Variants in AUTS2 observed in about 807,000 individuals in gnomAD.
AUTS2 encodes the protein activator of transcription and developmental regulator AUTS2, also known as autism susceptibility gene 2 protein.
AUTS2 carries 17 observed loss-of-function variants against 112.4 expected under a neutral mutation model. That is an observed-to-expected ratio of 0.15 (90% CI 0.10 to 0.23). The LOEUF (loss-of-function observed/expected upper bound fraction) is 0.23. Among genes scored for constraint, AUTS2 ranks in the 10% least tolerant of loss-of-function variants. The pLI is 1.00. For synonymous variants in AUTS2, 751 were observed against 702.7 expected, an observed-to-expected ratio of 1.07 and a Z score of -1.09; for missense variants, 1,510 against 1,701.6, an observed-to-expected ratio of 0.89 and a Z score of 1.98.
chr7:70,261,534 C>T (rs1468205290), intron 4 of AUTS2, among the ~76,000 whole-genome samples: 1 of 152,158 alleles, frequency 6.6e-6, no homozygotes, highest in Non-Finnish European at 1.5e-5. Flanking sequence ...GTTGTAATCC[C>T]ACTTTTGCCA....
At chr7:70,739,670 G>A (rs10280064) in intron 6 of AUTS2, among the ~76,000 whole-genome samples, 121,761 of 151,896 alleles carry the variant, frequency 0.8, 49,393 homozygotes, top group East Asian at 0.99. Flanking sequence ...GGTGTGATCT[G>A]TACTCAGCCA....
At chr7:70,431,000 T>A (rs1795640145) in intron 4 of AUTS2, among the ~76,000 whole-genome samples, 2 of 151,958 alleles carry the variant, frequency 1.3e-5, no homozygotes, top group Admixed American at 6.5e-5. Context: ...CACGCCCAGC[T>A]AATTTTTTTT....
At chr7:69,917,615 A>G (rs2129542476) in intron 2 of AUTS2, among the ~76,000 whole-genome samples, 1 of 152,228 alleles carries the variant, frequency 6.6e-6, no homozygotes, top group Non-Finnish European at 1.5e-5. Flanking sequence ...ATAACTACAT[A>G]TTGTAGTAGT....
chr7:70,660,834 AT>A (rs1807033485), intron 5 of AUTS2, among the ~76,000 whole-genome samples: 1 of 152,154 alleles, frequency 6.6e-6, no homozygotes, highest in Non-Finnish European at 1.5e-5. Flanking sequence ...GTTAGCCTGC[AT>A]TGTTGTCCTT....
intron 1 of AUTS2, among the ~76,000 whole-genome samples, chr7:69,611,659 G>A (rs892446095): frequency 3.8e-4 from 58 of 152,100 alleles, no homozygotes; most frequent in Admixed American, 1.0e-3. Flanking sequence ...GGCCGGGCGC[G>A]GTGGCTCACG....
At chr7:70,213,314 G>A (rs917685101) in intron 4 of AUTS2, among the ~76,000 whole-genome samples, 72 of 150,716 alleles carry the variant, frequency 4.8e-4, no homozygotes, top group African/African-American at 1.8e-3. Context: ...ATTGCTTGAG[G>A]CCAGGAGTTT....
intron 1 of AUTS2, among the ~76,000 whole-genome samples, chr7:69,744,509 C>A (rs1787402365): frequency 1.3e-5 from 2 of 152,018 alleles, no homozygotes; most frequent in Non-Finnish European, 2.9e-5. Context: ...TGATTTCACA[C>A]TTTTAGAGCA....
intron 1 of AUTS2, among the ~76,000 whole-genome samples, chr7:69,633,962 T>C (rs1794397063): frequency 6.6e-6 from 1 of 152,162 alleles, no homozygotes; most frequent in East Asian, 1.9e-4. Flanking sequence ...CCCATATGTT[T>C]AGTTTTGCTT....
chr7:69,767,465 C>T (rs188053022), intron 1 of AUTS2, among the ~76,000 whole-genome samples: 3 of 152,262 alleles, frequency 2.0e-5, no homozygotes, highest in African/African-American at 7.2e-5. Flanking sequence ...GAGACGTGAG[C>T]CACCAGCCTA....
chr7:70,414,880 T>G (rs1794926431), intron 4 of AUTS2, among the ~76,000 whole-genome samples: 2 of 152,204 alleles, frequency 1.3e-5, no homozygotes, highest in Admixed American at 1.3e-4. Context: ...TCCTGGACTG[T>G]CTGATTTCTT....
chr7:69,703,272 T>C (rs571364011), intron 1 of AUTS2, among the ~76,000 whole-genome samples: 9 of 152,280 alleles, frequency 5.9e-5, no homozygotes, highest in African/African-American at 2.2e-4. Flanking sequence ...TGTCTACAAC[T>C]TGTTTAACCT....
intron 5 of AUTS2, among the ~76,000 whole-genome samples, chr7:70,644,578 G>A (rs769768219): frequency 6.6e-6 from 1 of 152,042 alleles, no homozygotes; most frequent in Non-Finnish European, 1.5e-5. Context: ...CATTTCACTT[G>A]CCTCCCCTGG....
At chr7:69,601,715 T>A (rs1475434978) in intron 1 of AUTS2, among the ~76,000 whole-genome samples, 1 of 152,158 alleles carries the variant, frequency 6.6e-6, no homozygotes, top group Non-Finnish European at 1.5e-5. Context: ...CACCACTTAT[T>A]AGAATAATTC....
At chr7:70,727,353 TTTTTGTTTG>T (rs1787099494) in intron 6 of AUTS2, among the ~76,000 whole-genome samples, 1 of 152,214 alleles carries the variant, frequency 6.6e-6, no homozygotes, top group Admixed American at 6.5e-5. Context: ...GGCTGGGTTT[TTTTTGTTTG>T]TTTTGAGATG....
At chr7:70,367,284 C>A (rs1049521881) in intron 4 of AUTS2, among the ~76,000 whole-genome samples, 1 of 150,686 alleles carries the variant, frequency 6.6e-6, no homozygotes, top group Non-Finnish European at 1.5e-5. Context: ...AGGCCAGGCA[C>A]GGTGGCTCAT....
chr7:70,390,673 G>A (rs1470200257), intron 4 of AUTS2, among the ~76,000 whole-genome samples: 1 of 151,984 alleles, frequency 6.6e-6, no homozygotes, highest in African/African-American at 2.4e-5. Context: ...TCCAAGCAGA[G>A]AATGGCCGGC....
At chr7:69,886,355 A>T (rs1321049133) in intron 1 of AUTS2, among the ~76,000 whole-genome samples, 1 of 152,234 alleles carries the variant, frequency 6.6e-6, no homozygotes, top group Non-Finnish European at 1.5e-5. Context: ...TTATTCCTTT[A>T]GTAGTAATTA....
chr7:69,769,689 A>G (rs1788580272), intron 1 of AUTS2, among the ~76,000 whole-genome samples: 1 of 152,130 alleles, frequency 6.6e-6, no homozygotes, highest in Admixed American at 6.6e-5. Flanking sequence ...GAACAGGGCG[A>G]TGTATTGCCA....
Position 70,435,863 on chromosome 7 carries a change from G to A in AUTS2, c.690+82G>A, listed in dbSNP as rs2130871102. ...TCCTCCCACACACAGCTGCAGGGTA[G>A]GATGCCAGCTTCATGTTGACAGGAC... On this transcript the variant is annotated intron_variant, in intron 5 of 18. Coordinates refer to ENST00000342771, the MANE Select transcript of AUTS2 (RefSeq NM_015570.4). 2.1e-6 allele frequency: 3 copies of A among 1,450,794 alleles called. No homozygotes were observed. The East Asian group carries it at 6.9e-5, about 33-fold the overall frequency. The allele number at this position is 1,450,794 out of a possible 1,614,324, so 89.9% of individuals were successfully genotyped here.
Sources: gnomAD v4.1 joint callset for allele counts (sites outside exome capture counted in the v4.1 genomes callset) on GRCh38, gnomAD v4.1.1 for gene constraint, MANE v1.5 for transcripts, NCBI Gene and HGNC (gene_info 2026-07-23, HGNC 2026-07-21) for gene names.